The following ZNF730 variants were observed in gnomAD, a reference collection of about 807,000 sequenced individuals.
The protein encoded by ZNF730 is putative zinc finger protein 730.
A neutral mutation model predicts 12.6 loss-of-function variants in ZNF730; 12 were observed. The ratio of observed to expected loss-of-function variants is 0.95; its 90% CI spans 0.61 to 1.54. The LOEUF (loss-of-function observed/expected upper bound fraction) is 1.54, where lower values mean the gene tolerates loss of function less well. Ranked by LOEUF, ZNF730 falls within the 40% of genes most tolerant of loss-of-function variation. ZNF730 has a pLI of 0.00. For synonymous variants in ZNF730, 194 were observed against 195.8 expected (o/e 0.99, Z 0.08); for missense variants, 643 against 583.5 (o/e 1.10, Z -1.05).
intron 1 of ZNF730, among the ~76,000 whole-genome samples, chr19:23,106,179 A>G (rs1378655713): frequency 6.6e-6 from 1 of 151,952 alleles, no homozygotes; most frequent in East Asian, 1.9e-4. Flanking sequence ...AGATGGAGAA[A>G]TAGAAGGAGG....
At chr19:23,086,224 A>C (rs1275799138) in intron 1 of ZNF730, among the ~76,000 whole-genome samples, 2 of 152,148 alleles carry the variant, frequency 1.3e-5, no homozygotes, top group Admixed American at 1.3e-4. Context: ...TGACGGATGC[A>C]TAGTTTGCAA....
intron 1 of ZNF730, among the ~76,000 whole-genome samples, chr19:23,099,127 T>A (rs1043821249): frequency 6.6e-6 from 1 of 152,214 alleles, no homozygotes; most frequent in African/African-American, 2.4e-5. Flanking sequence ...GATTCTCATG[T>A]GCAGATGCAG....
At chr19:23,078,095 G>A (rs1466389132) in intron 1 of ZNF730, among the ~76,000 whole-genome samples, 1 of 152,084 alleles carries the variant, frequency 6.6e-6, no homozygotes, top group African/African-American at 2.4e-5. Context: ...TTCCCCATGT[G>A]ATAGTCTGAG....
chr19:23,094,250 A>G (rs1358792003), intron 1 of ZNF730, among the ~76,000 whole-genome samples: 1 of 147,660 alleles, frequency 6.8e-6, no homozygotes, highest in Non-Finnish European at 1.5e-5. Flanking sequence ...TCCTTCCTGC[A>G]TACTGAAGTT....
chr19:23,118,133 CTGTT>C (rs1311189128), intron 1 of ZNF730, among the ~76,000 whole-genome samples: 19 of 152,250 alleles, frequency 1.2e-4, no homozygotes, highest in African/African-American at 9.6e-5. Flanking sequence ...ACATTATTAT[CTGTT>C]TGTCCTTTAG....
chr19:23,122,549 G>A (rs1188681126), intron 1 of ZNF730, among the ~76,000 whole-genome samples: 1 of 152,162 alleles, frequency 6.6e-6, no homozygotes, highest in African/African-American at 2.4e-5. Context: ...AAACTTTTTT[G>A]ACAGAAAACT....
chr19:23,144,665 A>G (rs1970977057), intron 3 of ZNF730, among the ~76,000 whole-genome samples: 1 of 120,778 alleles, frequency 8.3e-6, no homozygotes, highest in Non-Finnish European at 1.6e-5. Context: ...GCACCACCGC[A>G]CTCCAGCCTG....
intron 3 of ZNF730, among the ~76,000 whole-genome samples, chr19:23,142,678 ACT>A (rs1361486883): frequency 5.0e-5 from 6 of 120,490 alleles, no homozygotes; most frequent in African/African-American, 1.2e-4. Flanking sequence ...ACAGAGTGAG[ACT>A]CTGTCTCAAA....
intron 1 of ZNF730, among the ~76,000 whole-genome samples, chr19:23,091,182 C>T (rs540354426): frequency 5.9e-5 from 9 of 152,188 alleles, no homozygotes; most frequent in African/African-American, 2.2e-4. Context: ...TTGGTAGCTT[C>T]CATGTGGTGT....
Position 23,146,452 on chromosome 19 carries a change from C to T in ZNF730, c.1408C>T (p.His470Tyr). Residue 470 changes from histidine (H) to tyrosine (Y), a missense_variant, in exon 4 of 4, where the codon CAT (histidine) becomes TAT (tyrosine). Transcript: ENST00000597761. Reference sequence around the variant, plus strand: ...TAACCGGTCCTCAACCCTCACTACACATAAGATAATTCATTCTGGGGAAAA... The same window carrying T: ...TAACCGGTCCTCAACCCTCACTACATATAAGATAATTCATTCTGGGGAAAA... ...AFNRSSTLTT[H>Y]KIIHSGEKIY... is the part of the protein sequence containing the mutation. 6.2e-7 allele frequency: 1 copy of T among 1,611,490 alleles called. No homozygotes were observed. The highest frequency in any genetic ancestry group is 8.5e-7 in the Non-Finnish European group (1 of 1,179,498).
At chr19:23,113,003 T>G (rs150188623), upstream of ZNF730, among the ~76,000 whole-genome samples, 96 of 152,350 alleles carry the variant, frequency 6.3e-4, 1 homozygote, top group African/African-American at 2.3e-3. Context: ...TATAGCAGAT[T>G]GCACTGTAAA....
intron 3 of ZNF730, among the ~76,000 whole-genome samples, chr19:23,140,995 T>G (rs1007164137): frequency 6.6e-6 from 1 of 151,964 alleles, no homozygotes; most frequent in Non-Finnish European, 1.5e-5. Flanking sequence ...CATGGTGGTG[T>G]TTCACATCTG....
Position 23,145,761 on chromosome 19 carries a change from G to T in ZNF730, c.717G>T (p.Trp239Cys). Residue 239 changes from tryptophan to cysteine, a missense_variant, in exon 4 of 4, where the codon TGG (tryptophan) becomes TGT (cysteine). Physicochemically the swap from Trp to Cys is radical, Grantham distance 215. Transcript: ENST00000597761. ...KCKECGKAFN[W>C]FSHFTTHKRI... Reference sequence around the variant, plus strand: ...AAGAATGTGGCAAAGCCTTTAACTGGTTTTCACATTTTACTACACATAAGA... The same window carrying T: ...AAGAATGTGGCAAAGCCTTTAACTGTTTTTCACATTTTACTACACATAAGA... 6.4e-7 allele frequency: 1 copy of T among 1,569,162 alleles called. No homozygotes were observed. Among genetic ancestry groups the T allele is most frequent in the Non-Finnish European group, 8.6e-7 (1 of 1,159,306 alleles).
intron 2 of ZNF730, among the ~76,000 whole-genome samples, 200 bp downstream of exon 2, chr19:23,134,406 C>G (rs1286843144): frequency 6.7e-6 from 1 of 148,300 alleles, no homozygotes; most frequent in East Asian, 2.0e-4. Flanking sequence ...GCCCCCCGCC[C>G]GGCCAGCCGC....
At position 23,117,137 on chromosome 19, in the gene ZNF730, C is replaced by A; in HGVS notation, c.-37C>A. 2 of 1,613,714 alleles carry A rather than the reference C, an allele frequency of 1.2e-6. No individual in the cohort carries two copies. Among genetic ancestry groups the A allele is most frequent in the Non-Finnish European group, 1.7e-6 (2 of 1,179,684 alleles). ...TGCGACCTGCGGGTATTGGGAGATCCACAGCTAAGACGCCAGGGCCCCCTG... is the reference window on the plus strand; with the variant it reads ...TGCGACCTGCGGGTATTGGGAGATCAACAGCTAAGACGCCAGGGCCCCCTG... On this transcript the variant is annotated 5_prime_UTR_variant, in exon 1 of 4. Coordinates refer to ENST00000597761, the MANE Select transcript of ZNF730 (RefSeq NM_001277403.2).
intron 1 of ZNF730, 52 bp downstream of exon 1, chr19:23,117,228 C>T: frequency 3.7e-6 from 6 of 1,613,060 alleles, no homozygotes; most frequent in Non-Finnish European, 5.1e-6. Flanking sequence ...TGGTTGGAAC[C>T]GGTGGGAAGC....
Position 23,076,790 on chromosome 19 carries a change from G to C in ZNF730, c.-94+1403G>C, listed in dbSNP as rs140456706. ...GTCGACAGTGTGGCCATTCCTCAGA[G>C]ACCTAGAGAAAGCAATACCATTCAA... On this transcript the variant is annotated intron_variant, in intron 1 of 2. Coordinates refer to the ZNF730 transcript ENST00000593635. Among the ~76,000 whole-genome samples the C allele has an allele frequency of 4.9e-3, 747 of 152,246 alleles. 2 individuals are homozygous for C. Among genetic ancestry groups the C allele is most frequent in the Non-Finnish European group, 7.9e-3 (535 of 68,016 alleles).
intron 1 of ZNF730, among the ~76,000 whole-genome samples, chr19:23,108,364 ATGCAGT>A (rs1157995465): frequency 1.3e-5 from 2 of 151,908 alleles, no homozygotes; most frequent in Non-Finnish European, 2.9e-5. Flanking sequence ...TGATTTTTAC[ATGCAGT>A]CTGGGATGAA....
intron 3 of ZNF730, 47 bp from the exon 4 acceptor site, chr19:23,145,224 T>C (rs1238730671): frequency 1.6e-6 from 2 of 1,271,910 alleles, no homozygotes; most frequent in Non-Finnish European, 2.1e-6. Flanking sequence ...TTATAAACTA[T>C]ACTCAGTCTA....
Sources: allele counts gnomAD v4.1 joint callset (sites outside exome capture counted in the v4.1 genomes callset), GRCh38; gene constraint gnomAD v4.1.1; transcripts MANE v1.5; gene names NCBI Gene and HGNC (gene_info 2026-07-23, HGNC 2026-07-21).